Variants in FRMD6 observed in about 807,000 individuals in gnomAD.
FRMD6 encodes the protein FERM domain containing 6, also known as FERM domain-containing protein 6.
FRMD6 carries 37 observed loss-of-function variants against 73.2 expected under a neutral mutation model. That is an observed-to-expected ratio of 0.51 (90% confidence interval 0.39 to 0.66). The LOEUF is 0.66. Among genes scored for constraint, FRMD6 ranks in the 30% least tolerant of loss-of-function variants. The pLI is 0.00. For missense variants in FRMD6, 714 were observed against 780.5 expected (o/e 0.91, Z 1.02); for synonymous variants, 273 against 282.2 (o/e 0.97, Z 0.33).
At chr14:51,724,446 T>C (rs181668642) in intron 12 of FRMD6, among the ~76,000 whole-genome samples, 186 of 152,346 alleles carry the variant, frequency 1.2e-3, no homozygotes, top group Non-Finnish European at 2.2e-3. Flanking sequence ...TTTAATGCTC[T>C]TTAGAAGATA....
chr14:51,494,121 C>T (rs981676482), intron 1 of FRMD6, among the ~76,000 whole-genome samples: 1 of 136,122 alleles, frequency 7.3e-6, no homozygotes, highest in Admixed American at 6.9e-5. Flanking sequence ...CATTCTGTCC[C>T]AGTCCCCCAA....
the FRMD6 span, among the ~76,000 whole-genome samples, chr14:51,461,174 CAT>C: frequency 1.3e-5 from 2 of 152,148 alleles, no homozygotes; most frequent in African/African-American, 4.8e-5. Flanking sequence ...ACAAATGAGA[CAT>C]GTGCTATTTA....
chr14:51,629,475 T>A lies in FRMD6; in HGVS notation c.-147+59065T>A, dbSNP rs149827865. ...TAAAATAAAATATATTTTACATTCCTACCAGCAGTGTATGGGGGTTCCAGT... is the reference window on the plus strand; with the variant it reads ...TAAAATAAAATATATTTTACATTCCAACCAGCAGTGTATGGGGGTTCCAGT... On this transcript the variant is annotated intron_variant, in intron 2 of 14. Transcript: ENST00000356218. Among the ~76,000 whole-genome samples, 11 of 152,334 alleles carry A rather than the reference T, an allele frequency of 7.2e-5. No homozygotes were observed. The East Asian group carries it at 2.1e-3, about 29-fold the overall frequency.
At chr14:51,694,116 A>C (rs1473896343) in intron 2 of FRMD6, among the ~76,000 whole-genome samples, 1 of 152,160 alleles carries the variant, frequency 6.6e-6, no homozygotes, top group East Asian at 1.9e-4. Flanking sequence ...TATGGAATAA[A>C]TTTAGTGTTT....
intron 5 of FRMD6, among the ~76,000 whole-genome samples, chr14:51,704,381 T>C (rs1448029736): frequency 6.6e-6 from 1 of 152,142 alleles, no homozygotes; most frequent in East Asian, 1.9e-4. Flanking sequence ...TGTAGCATCA[T>C]TGTAGCAACA....
chr14:51,460,445 A>G, the FRMD6 span, among the ~76,000 whole-genome samples: 1 of 152,210 alleles, frequency 6.6e-6, no homozygotes, highest in African/African-American at 2.4e-5. Flanking sequence ...TTTTATTTCC[A>G]TAAAATAGAT....
At chr14:51,638,478 G>A (rs1891671166) in intron 2 of FRMD6, among the ~76,000 whole-genome samples, 1 of 152,070 alleles carries the variant, frequency 6.6e-6, no homozygotes, top group Admixed American at 6.5e-5. Context: ...CTACTGCTCC[G>A]GGAGCCACAG....
the FRMD6 span, among the ~76,000 whole-genome samples, chr14:51,411,728 T>G: frequency 2.0e-5 from 3 of 152,270 alleles, no homozygotes; most frequent in African/African-American, 7.2e-5. Flanking sequence ...AGAGGGTGGA[T>G]TTTTGGTTTT....
At chr14:51,697,021 TGAC>T (rs1895992991) in intron 2 of FRMD6, among the ~76,000 whole-genome samples, 1 of 152,148 alleles carries the variant, frequency 6.6e-6, no homozygotes, top group South Asian at 2.1e-4. Context: ...TAACAAGTGT[TGAC>T]GAGGATGTGG....
At chr14:51,676,094 A>G (rs1340106571) in intron 1 of FRMD6, among the ~76,000 whole-genome samples, 3 of 152,128 alleles carry the variant, frequency 2.0e-5, no homozygotes, top group Non-Finnish European at 2.9e-5. Context: ...TTTTTTACCC[A>G]TGGGAGTTTT....
intron 1 of FRMD6, among the ~76,000 whole-genome samples, chr14:51,510,820 A>G (rs964008309): frequency 6.6e-6 from 1 of 152,168 alleles, no homozygotes; most frequent in South Asian, 2.1e-4. Context: ...TTCTTTTCCC[A>G]TAGGCCTTTG....
intron 2 of FRMD6, among the ~76,000 whole-genome samples, chr14:51,631,105 T>C (rs540405962): frequency 6.6e-6 from 1 of 152,096 alleles, no homozygotes; most frequent in Non-Finnish European, 1.5e-5. Context: ...AGAGACAGTT[T>C]TGCTACCCAA....
At position 51,492,670 on chromosome 14, in the gene FRMD6, G is replaced by T. The variant is rs569838443; in HGVS notation, c.-210+3250G>T. Among the ~76,000 whole-genome samples, 19 of 152,292 alleles carry T rather than the reference G, an allele frequency of 1.2e-4. No homozygotes were observed. The South Asian group carries it at 2.5e-3, about 20-fold the overall frequency. On this transcript the variant is annotated intron_variant, in intron 1 of 14. Coordinates refer to the FRMD6 transcript ENST00000356218. ...AAAAAAAGAGAATAAAAGAATTGCA[G>T]ATTTGAAACAACAGAAAGGAAGAAG...
At chr14:51,550,781 G>A (rs1001410963) in intron 1 of FRMD6, among the ~76,000 whole-genome samples, 5 of 152,168 alleles carry the variant, frequency 3.3e-5, no homozygotes, top group East Asian at 1.9e-4. Flanking sequence ...TGTACAGTGC[G>A]TGACAGGGAG....
chr14:51,632,413 AAG>A (rs1275062655), intron 2 of FRMD6, among the ~76,000 whole-genome samples: 9 of 152,330 alleles, frequency 5.9e-5, no homozygotes, highest in African/African-American at 2.2e-4. Context: ...TGGAACTCCA[AAG>A]AGTCTTTAAT....
At chr14:51,502,518 G>C (rs1883682566) in intron 1 of FRMD6, among the ~76,000 whole-genome samples, 1 of 152,108 alleles carries the variant, frequency 6.6e-6, no homozygotes, top group Non-Finnish European at 1.5e-5. Context: ...TAGGTGTCTG[G>C]TTTTTATTTC....
At chr14:51,423,146 G>A in the FRMD6 span, among the ~76,000 whole-genome samples, 222 of 152,324 alleles carry the variant, frequency 1.5e-3, 1 homozygote, top group African/African-American at 5.2e-3. Context: ...TTCTGTAGTT[G>A]CGTAGCTTAT....
chr14:51,677,806 C>T (rs1224920409), intron 1 of FRMD6, among the ~76,000 whole-genome samples: 1 of 152,092 alleles, frequency 6.6e-6, no homozygotes. Context: ...CTATTCCCTG[C>T]CCCTGTTCAG....
chr14:51,515,228 G>A (rs1203519079), intron 1 of FRMD6, among the ~76,000 whole-genome samples: 1 of 152,130 alleles, frequency 6.6e-6, no homozygotes, highest in Non-Finnish European at 1.5e-5. Flanking sequence ...TCCAGTTCCC[G>A]TTACCAAGAT....
Sources: gnomAD v4.1 joint callset for allele counts (sites outside exome capture counted in the v4.1 genomes callset) on GRCh38, gnomAD v4.1.1 for gene constraint, MANE v1.5 for transcripts, NCBI Gene and HGNC (gene_info 2026-07-23, HGNC 2026-07-21) for gene names.